Variants in RNF38 observed in about 807,000 individuals in gnomAD.
RNF38 encodes E3 ubiquitin-protein ligase RNF38.
RNF38 carries 15 observed loss-of-function variants against 67.2 expected under a neutral mutation model. The observed-to-expected ratio is 0.22, with a 90% CI of 0.15 to 0.34. RNF38 has a LOEUF of 0.34. Ranked by LOEUF, RNF38 falls within the 10% of genes least tolerant of loss-of-function variation. RNF38 has a pLI of 1.00. For missense variants in RNF38, 524 were observed against 639.9 expected (o/e 0.82, Z 1.95); for synonymous variants, 220 against 218.8 (o/e 1.01, Z -0.05).
intron 3 of RNF38, among the ~76,000 whole-genome samples, chr9:36,374,996 C>T (rs952772118): frequency 1.1e-4 from 17 of 152,150 alleles, no homozygotes; most frequent in African/African-American, 4.1e-4. Context: ...ATTCCTTCAA[C>T]ATCCTGGATA....
chr9:36,455,059 ATC>A (rs946811092), intron 1 of RNF38, among the ~76,000 whole-genome samples: 58 of 151,832 alleles, frequency 3.8e-4, no homozygotes, highest in African/African-American at 1.4e-3. Flanking sequence ...TGCAAATGCA[ATC>A]TCTTTTTTTT....
chr9:36,420,376 C>CA (rs1444146756), intron 2 of RNF38, among the ~76,000 whole-genome samples: 3 of 151,646 alleles, frequency 2.0e-5, no homozygotes, highest in East Asian at 1.9e-4. Flanking sequence ...ACTACAAATA[C>CA]AAAAAATTAG....
At chr9:36,453,316 G>A (rs1186390345) in intron 1 of RNF38, among the ~76,000 whole-genome samples, 1 of 151,772 alleles carries the variant, frequency 6.6e-6, no homozygotes, top group East Asian at 1.9e-4. Flanking sequence ...CAGAACTCAA[G>A]CAATCTTGCT....
At chr9:36,475,927 T>C (rs992953902) in intron 1 of RNF38, among the ~76,000 whole-genome samples, 1 of 149,578 alleles carries the variant, frequency 6.7e-6, no homozygotes. Context: ...GACAATTGCT[T>C]GAACCCAGGA....
At position 36,473,353 on chromosome 9, in the gene RNF38, C is replaced by G. The variant is rs527919023; in HGVS notation, n.241+13955G>C. Among the ~76,000 whole-genome samples, 9 of 151,408 alleles carry G rather than the reference C, an allele frequency of 5.9e-5. No individual in the cohort carries two copies. The East Asian group carries it at 7.9e-4, about 13-fold the overall frequency. On this transcript the variant is annotated intron_variant and non_coding_transcript_variant, in intron 1 of 3. Transcript: ENST00000488058. Reference sequence around the variant, plus strand: ...CTATAATCCCAACACTTTGGGAGGCCAAGGCAGGCGGATCACCTGAGGTCA... The same window carrying G: ...CTATAATCCCAACACTTTGGGAGGCGAAGGCAGGCGGATCACCTGAGGTCA...
At chr9:36,426,450 C>T (rs560962443) in intron 1 of RNF38, among the ~76,000 whole-genome samples, 28 of 152,156 alleles carry the variant, frequency 1.8e-4, no homozygotes, top group Non-Finnish European at 3.7e-4. Flanking sequence ...GTTCATTCAC[C>T]TACCATAATG....
chr9:36,401,795 G>GCAA (rs1482616845), upstream of RNF38, among the ~76,000 whole-genome samples: 1 of 152,168 alleles, frequency 6.6e-6, no homozygotes, highest in African/African-American at 2.4e-5. Context: ...GATGTTTCCC[G>GCAA]CAAGGATGGT....
In RNF38 at chr9:36,339,480, C is replaced by A; in HGVS notation, c.*272G>T. On this transcript the variant is annotated 3_prime_UTR_variant, in exon 12 of 12. Transcript: ENST00000259605. ...ATCTTGCAGCAACACTCGGAATGAT[C>A]ACACAAAAACCAGGGAATGTTAGTG... is the stretch of plus-strand genomic sequence containing the variant. The A allele has an allele frequency of 2.4e-6, 1 of 417,158 alleles. No individual in the cohort carries two copies. The highest frequency in any genetic ancestry group is 4.4e-6 in the Non-Finnish European group (1 of 229,130). The allele number at this position is 417,158 out of a possible 1,614,324, so 25.8% of individuals were successfully genotyped here.
chr9:36,480,672 CT>C (rs1055022173), intron 1 of RNF38, among the ~76,000 whole-genome samples: 3 of 151,472 alleles, frequency 2.0e-5, no homozygotes, highest in Non-Finnish European at 1.5e-5. Context: ...GTGCCTCAGC[CT>C]CTCAAGCAGC....
At chr9:36,353,524 T>G (rs1054394148) in intron 6 of RNF38, among the ~76,000 whole-genome samples, 193 bp from the exon 7 acceptor site, 1 of 152,174 alleles carries the variant, frequency 6.6e-6, no homozygotes, top group Non-Finnish European at 1.5e-5. Flanking sequence ...TTCCTAACTT[T>G]GATTTCAACA....
At chr9:36,368,643 T>C (rs1231096975) in intron 4 of RNF38, among the ~76,000 whole-genome samples, 1 of 152,170 alleles carries the variant, frequency 6.6e-6, no homozygotes, top group East Asian at 1.9e-4. Flanking sequence ...CTTTCCTACA[T>C]GATCAATTTT....
chr9:36,397,310 C>T (rs1837617584), intron 1 of RNF38, among the ~76,000 whole-genome samples: 1 of 151,990 alleles, frequency 6.6e-6, no homozygotes, highest in Non-Finnish European at 1.5e-5. Flanking sequence ...GACAGGATTT[C>T]ATCATATTAT....
At chr9:36,365,825 C>T (rs1724592611) in intron 4 of RNF38, among the ~76,000 whole-genome samples, 1 of 151,550 alleles carries the variant, frequency 6.6e-6, no homozygotes, top group African/African-American at 2.4e-5. Flanking sequence ...GCCACCATGC[C>T]CAGCTAATTT....
At chr9:36,382,313 T>C (rs1836271479) in intron 2 of RNF38, among the ~76,000 whole-genome samples, 1 of 152,086 alleles carries the variant, frequency 6.6e-6, no homozygotes, top group Non-Finnish European at 1.5e-5. Flanking sequence ...AAAGAGGTCA[T>C]AATGGGAGGA....
intron 2 of RNF38, among the ~76,000 whole-genome samples, chr9:36,420,678 G>A (rs183727298): frequency 1.6e-4 from 25 of 152,134 alleles, no homozygotes; most frequent in Admixed American, 2.0e-4. Context: ...CTGCATAAGA[G>A]CAAAGACTTC....
intron 1 of RNF38, among the ~76,000 whole-genome samples, chr9:36,395,859 C>T (rs1050614141): frequency 2.0e-5 from 3 of 152,102 alleles, no homozygotes. Flanking sequence ...TTGAACTATG[C>T]AGCCATTAAA....
At chr9:36,386,418 A>G (rs764833559) in intron 2 of RNF38, among the ~76,000 whole-genome samples, 6 of 152,186 alleles carry the variant, frequency 3.9e-5, no homozygotes, top group Admixed American at 3.9e-4. Flanking sequence ...TTTCACAATA[A>G]TTTTCTCTTT....
At chr9:36,345,290 G>GGCTA (rs1833145773) in intron 9 of RNF38, among the ~76,000 whole-genome samples, 1 of 152,144 alleles carries the variant, frequency 6.6e-6, no homozygotes, top group Non-Finnish European at 1.5e-5. Flanking sequence ...AATAGTCCAT[G>GGCTA]GCTAATCTTT....
rs904020373 is a variant in RNF38 at position 36,336,796 on chromosome 9, C to T, written c.*2956G>A. ...GTGAAAAATATTCTCACAAGTGAGT[C>T]GGTAGATCTCATTCAAAATTATTCT... On this transcript the variant is annotated 3_prime_UTR_variant, in exon 12 of 12. Transcript: ENST00000259605. 2.0e-5 allele frequency: 3 copies of T among 152,542 alleles called. No individual in the cohort carries two copies. The highest frequency in any genetic ancestry group is 4.1e-4 in the South Asian group (2 of 4,832). The allele number at this position is 152,542 out of a possible 1,614,324, so 9.4% of individuals were successfully genotyped here.
Sources: allele counts gnomAD v4.1 joint callset (sites outside exome capture counted in the v4.1 genomes callset), GRCh38; gene constraint gnomAD v4.1.1; transcripts MANE v1.5; gene names NCBI Gene and HGNC (gene_info 2026-07-23, HGNC 2026-07-21).